Variants in ADAMTSL3 observed in about 807,000 individuals in gnomAD.
ADAMTSL3 encodes ADAMTS-like protein 3.
ADAMTSL3 carries 128 observed loss-of-function variants against 201.7 expected under a neutral mutation model. The observed-to-expected ratio is 0.63, with a 90% CI of 0.55 to 0.73. ADAMTSL3 has a LOEUF of 0.73. Among genes scored for constraint, ADAMTSL3 ranks in the 30% least tolerant of loss-of-function variants. The pLI is 0.00. For missense variants in ADAMTSL3, 1,990 were observed against 2,119.6 expected (o/e 0.94, Z 1.20); for synonymous variants, 738 against 748.4 (o/e 0.99, Z 0.23).
intron 9 of ADAMTSL3, among the ~76,000 whole-genome samples, chr15:83,881,170 A>G (rs1016200419): frequency 2.0e-5 from 3 of 152,248 alleles, no homozygotes; most frequent in African/African-American, 7.2e-5. Flanking sequence ...TAGGTTAGCA[A>G]CCAGTGATCT....
At chr15:83,965,738 C>G (rs542934386) in intron 19 of ADAMTSL3, among the ~76,000 whole-genome samples, 2 of 152,320 alleles carry the variant, frequency 1.3e-5, no homozygotes, top group African/African-American at 4.8e-5. Flanking sequence ...ACATTCTTCT[C>G]AGCACCATAT....
chr15:83,940,807 T>C (rs1225435764), intron 17 of ADAMTSL3, among the ~76,000 whole-genome samples: 1 of 152,190 alleles, frequency 6.6e-6, no homozygotes, highest in Non-Finnish European at 1.5e-5. Context: ...AGCTTTATAA[T>C]ATGCATAAAA....
chr15:83,803,059 T>A (rs1442539792), intron 4 of ADAMTSL3, among the ~76,000 whole-genome samples: 1 of 152,186 alleles, frequency 6.6e-6, no homozygotes, highest in Admixed American at 6.5e-5. Context: ...ATCATTAAAA[T>A]AATTTTTCCA....
intron 6 of ADAMTSL3, among the ~76,000 whole-genome samples, chr15:83,820,647 C>A (rs1281126129): frequency 1.3e-5 from 2 of 152,304 alleles, no homozygotes; most frequent in African/African-American, 4.8e-5. Context: ...TGTTTTGGAT[C>A]TTTGGGCACA....
intron 29 of ADAMTSL3, 61 bp from the exon 30 acceptor site, chr15:84,037,639 A>G (rs1295033926): frequency 1.3e-6 from 2 of 1,483,746 alleles, no homozygotes; most frequent in Non-Finnish European, 1.8e-6. Flanking sequence ...ATAAAGTCAA[A>G]TAATTTTTAA....
intron 23 of ADAMTSL3, among the ~76,000 whole-genome samples, chr15:83,997,247 T>C (rs1245629413): frequency 2.0e-5 from 3 of 152,108 alleles, no homozygotes; most frequent in Non-Finnish European, 4.4e-5. Flanking sequence ...GAAGAAAAGT[T>C]TGGGGATAGA....
rs559124042 is a variant in ADAMTSL3, at chr15:84,002,756, T to TA, written c.3973+11550dup. Among the ~76,000 whole-genome samples the TA allele has an allele frequency of 4.5e-3, 677 of 151,998 alleles. 6 individuals carry two copies. Among genetic ancestry groups the TA allele is most frequent in the African/African-American group, 0.016 (651 of 41,488 alleles). ...CAATTTTATGAATCGGACTTTCTTATAAAAAAAATTTTAAAGAACTTGTTC... is the reference window on the plus strand; with the variant it reads ...CAATTTTATGAATCGGACTTTCTTATAAAAAAAAATTTTAAAGAACTTGTTC... On this transcript the variant is annotated intron_variant, in intron 23 of 29. Coordinates refer to ENST00000286744, the MANE Select transcript of ADAMTSL3 (RefSeq NM_207517.3).
chr15:83,988,777 A>G lies in ADAMTSL3; in HGVS notation c.3803A>G (p.His1268Arg). The change falls in exon 22 of 30, where the codon CAT becomes CGT. Residue 1268 changes from histidine (H) to arginine (R), a missense_variant. Transcript: ENST00000286744. Reference protein sequence around the residue: ...QGIYECSVANHLGSDVESSSV... With the variant: ...QGIYECSVANRLGSDVESSSV... ...ATATATGAATGTTCTGTAGCTAATCATCTTGGTTCAGATGTGGAAAGTTCT... is the reference window on the plus strand; with the variant it reads ...ATATATGAATGTTCTGTAGCTAATCGTCTTGGTTCAGATGTGGAAAGTTCT... 1.2e-6 allele frequency: 2 copies of G among 1,607,156 alleles called. No homozygotes were observed. Among genetic ancestry groups the G allele is most frequent in the Non-Finnish European group, 8.5e-7 (1 of 1,175,886 alleles).
chr15:83,857,520 T>G (rs2141769908), intron 7 of ADAMTSL3, among the ~76,000 whole-genome samples: 1 of 152,340 alleles, frequency 6.6e-6, no homozygotes, highest in Middle Eastern at 3.4e-3. Flanking sequence ...TTCTTGTTTA[T>G]GTAATCTTTC....
At chr15:84,026,551 C>CA (rs1235254757) in intron 27 of ADAMTSL3, among the ~76,000 whole-genome samples, 9 of 151,994 alleles carry the variant, frequency 5.9e-5, no homozygotes, top group Non-Finnish European at 1.0e-4. Flanking sequence ...CAAAACTTAC[C>CA]AAAAAGCTAC....
At chr15:84,026,436 A>G (rs1225303692) in intron 27 of ADAMTSL3, among the ~76,000 whole-genome samples, 2 of 152,216 alleles carry the variant, frequency 1.3e-5, no homozygotes, top group Non-Finnish European at 1.5e-5. Flanking sequence ...TTCTTTGCAG[A>G]CATTGACAGT....
At chr15:83,826,771 C>T (rs188489009) in intron 6 of ADAMTSL3, among the ~76,000 whole-genome samples, 2,381 of 149,908 alleles carry the variant, frequency 0.016, 65 homozygotes, top group African/African-American at 0.053. Context: ...TTTGGTTTTT[C>T]GTCCTTGCGA....
At chr15:83,814,329 A>G (rs1008973021) in intron 5 of ADAMTSL3, among the ~76,000 whole-genome samples, 4 of 152,098 alleles carry the variant, frequency 2.6e-5, no homozygotes, top group Admixed American at 2.0e-4. Flanking sequence ...CATCTTTTAT[A>G]TTTTAGTCCC....
At chr15:83,944,081 C>G (rs2066612449) in intron 19 of ADAMTSL3, among the ~76,000 whole-genome samples, 1 of 152,170 alleles carries the variant, frequency 6.6e-6, no homozygotes, top group African/African-American at 2.4e-5. Context: ...TTTCATCACA[C>G]TACTCAGAAC....
chr15:83,704,612 ATACAAG>A (rs1441768687), intron 3 of ADAMTSL3, 104 bp downstream of exon 3: 2 of 1,473,880 alleles, frequency 1.4e-6, no homozygotes, highest in East Asian at 2.3e-5. Context: ...CCTCTTTGCA[ATACAAG>A]TACAACAGAC....
chr15:83,991,489 A>G (rs962640680), intron 23 of ADAMTSL3, among the ~76,000 whole-genome samples: 1 of 152,166 alleles, frequency 6.6e-6, no homozygotes, highest in Non-Finnish European at 1.5e-5. Context: ...TATTGGCAAG[A>G]CCAGAACACT....
chr15:83,771,749 C>G (rs1186645914), intron 3 of ADAMTSL3, among the ~76,000 whole-genome samples: 1 of 152,208 alleles, frequency 6.6e-6, no homozygotes, highest in Non-Finnish European at 1.5e-5. Context: ...GCAGATATCT[C>G]TTTGAGATCC....
At chr15:83,914,817 TTTTG>T (rs2065999317) in intron 16 of ADAMTSL3, among the ~76,000 whole-genome samples, 1 of 151,458 alleles carries the variant, frequency 6.6e-6, no homozygotes, top group African/African-American at 2.4e-5. Flanking sequence ...CTGGACACGT[TTTTG>T]TTTGTTTGTT....
chr15:83,671,543 C>T (rs1443547001), intron 2 of ADAMTSL3, among the ~76,000 whole-genome samples: 1 of 152,134 alleles, frequency 6.6e-6, no homozygotes, highest in African/African-American at 2.4e-5. Flanking sequence ...TATTTAGTCT[C>T]ATTTTTTGAA....
Sources: allele counts gnomAD v4.1 joint callset (sites outside exome capture counted in the v4.1 genomes callset), GRCh38; gene constraint gnomAD v4.1.1; transcripts MANE v1.5; gene names NCBI Gene and HGNC (gene_info 2026-07-23, HGNC 2026-07-21).